ATP9B: variants seen among roughly 807,000 people sequenced by gnomAD.
ATP9B encodes ATPase phospholipid transporting 9B.
A neutral mutation model predicts 146.1 loss-of-function variants in ATP9B; 110 were observed. That is an observed-to-expected ratio of 0.75 (90% confidence interval 0.65 to 0.88). The LOEUF is 0.88. Ranked by LOEUF, ATP9B falls within the 40% of genes least tolerant of loss-of-function variation. ATP9B has a pLI of 0.00. For synonymous variants in ATP9B, 604 were observed against 569.7 expected (o/e 1.06, Z -0.86); for missense variants, 1,499 against 1,496.4 (o/e 1.00, Z -0.03).
chr18:79,250,946 A>T (rs1255295222), intron 11 of ATP9B, among the ~76,000 whole-genome samples: 4 of 152,196 alleles, frequency 2.6e-5, no homozygotes, highest in Non-Finnish European at 4.4e-5. Context: ...ATTAGAGGGC[A>T]GTGTGCTTTC....
At chr18:79,346,327 C>T (rs1600227054) in intron 23 of ATP9B, among the ~76,000 whole-genome samples, 1 of 151,458 alleles carries the variant, frequency 6.6e-6, no homozygotes, top group East Asian at 2.0e-4. Context: ...TAGCACACTA[C>T]ACATGCTCAG....
intron 13 of ATP9B, among the ~76,000 whole-genome samples, chr18:79,300,582 C>T (rs950782648): frequency 3.3e-5 from 5 of 152,176 alleles, no homozygotes; most frequent in African/African-American, 1.2e-4. Context: ...GACACTGAGA[C>T]TTGAGCCCGG....
intron 9 of ATP9B, among the ~76,000 whole-genome samples, chr18:79,196,735 G>T (rs1447425280): frequency 6.6e-6 from 1 of 152,156 alleles, no homozygotes; most frequent in South Asian, 2.1e-4. Flanking sequence ...AAATTAATTG[G>T]ATCAGAAAGC....
chr18:79,373,972 G>A lies in ATP9B; in HGVS notation c.3145G>A (p.Ala1049Thr), dbSNP rs377352041. The A allele has an allele frequency of 1.2e-5, 20 of 1,613,874 alleles. No individual in the cohort carries two copies. The highest frequency in any genetic ancestry group is 1.7e-4 in the Middle Eastern group (1 of 6,000). The change falls in exon 28 of 30, where the codon GCA becomes ACA. Residue 1049 changes from alanine (A) to threonine (T), a missense_variant. By Grantham distance (58) the Ala-to-Thr change is moderately conservative (BLOSUM62 0). Transcript: ENST00000426216. ...CCACGTGGTGGCCATCTCCTTCACC[G>A]CACTGATCCTGACCGAGCTGCTGAT... ...FVHVVAISFT[A>T]LILTELLMVA...
intron 5 of ATP9B, among the ~76,000 whole-genome samples, chr18:79,136,175 T>C (rs2094445639): frequency 1.3e-5 from 2 of 152,274 alleles, no homozygotes; most frequent in South Asian, 4.1e-4. Context: ...ACTAGTGTAT[T>C]ATTTGGCTTA....
intron 6 of ATP9B, among the ~76,000 whole-genome samples, chr18:79,144,563 C>A (rs1293266370): frequency 1.3e-5 from 2 of 152,224 alleles, no homozygotes; most frequent in Non-Finnish European, 2.9e-5. Context: ...GGAGGCGGAG[C>A]TCAGGAGGTC....
chr18:79,190,216 T>A lies in ATP9B; in HGVS notation c.874-2967T>A, dbSNP rs938625058. On this transcript the variant is annotated intron_variant, in intron 8 of 29. Coordinates refer to ENST00000426216, the MANE Select transcript of ATP9B (RefSeq NM_198531.5). ...TTATTTTAACTTTTTGTAATAGATTTGTGTATATTTTATTGTAGTAAGTGA... is the reference window on the plus strand; with the variant it reads ...TTATTTTAACTTTTTGTAATAGATTAGTGTATATTTTATTGTAGTAAGTGA... Among the ~76,000 whole-genome samples, 40 of 152,218 alleles carry A rather than the reference T, an allele frequency of 2.6e-4. 1 individual carries two copies. The highest frequency in any genetic ancestry group is 9.2e-4 in the African/African-American group (38 of 41,444).
intron 26 of ATP9B, 182 bp downstream of exon 26, chr18:79,359,644 T>A: frequency 1.7e-6 from 1 of 585,824 alleles, no homozygotes; most frequent in African/African-American, 1.9e-5. Flanking sequence ...GAGTTAAACT[T>A]CAAAAGGGGA....
Position 79,214,035 on chromosome 18 carries a change from T to G in ATP9B, c.1104T>G (p.Asn368Lys), listed in dbSNP as rs1187112820. The change falls in exon 11 of 30, where the codon AAT (asparagine) becomes AAG (lysine). Residue 368 changes from asparagine (N) to lysine (K), a missense_variant. Coordinates refer to ENST00000426216, the MANE Select transcript of ATP9B (RefSeq NM_198531.5). The stretch of plus-strand genomic sequence containing the variant: ...TAATGAACACATCCAATCCAAAAAA[T>G]AAGGTAGGCTAGATTGAGGAGCAAC... ...RSVMNTSNPK[N>K]KVGLLDLELN... 1 of 1,592,658 alleles carries G rather than the reference T, an allele frequency of 6.3e-7. No homozygotes were observed. The highest frequency in any genetic ancestry group is 1.4e-5 in the African/African-American group (1 of 73,622).
At chr18:79,093,728 A>G (rs759404797) in intron 1 of ATP9B, among the ~76,000 whole-genome samples, 3 of 152,012 alleles carry the variant, frequency 2.0e-5, no homozygotes, top group Non-Finnish European at 2.9e-5. Context: ...GTGTGCACAC[A>G]CCCCCTCCCC....
At chr18:79,098,728 T>C (rs1347316327) in intron 2 of ATP9B, among the ~76,000 whole-genome samples, 1 of 152,216 alleles carries the variant, frequency 6.6e-6, no homozygotes, top group African/African-American at 2.4e-5. Flanking sequence ...TATATTTCAA[T>C]GTTGTCTATC....
intron 29 of ATP9B, among the ~76,000 whole-genome samples, chr18:79,376,787 C>G (rs925035738): frequency 1.3e-5 from 2 of 151,476 alleles, no homozygotes; most frequent in Non-Finnish European, 2.9e-5. Flanking sequence ...CTCCACCTCC[C>G]GGGTTCAAGC....
intron 8 of ATP9B, among the ~76,000 whole-genome samples, chr18:79,186,756 C>G (rs1288746789): frequency 6.6e-6 from 1 of 152,222 alleles, no homozygotes; most frequent in Non-Finnish European, 1.5e-5. Flanking sequence ...AACAGTTGCA[C>G]TGTGGTAAAC....
At chr18:79,353,951 T>C (rs998933884) in intron 25 of ATP9B, 1 of 152,228 alleles carries the variant, frequency 6.6e-6, no homozygotes, top group African/African-American at 2.4e-5. Context: ...AATTTCTGGA[T>C]AGAGTTCTCT....
In ATP9B at chr18:79,215,147, C is replaced by CAAAAAAA. The variant is rs11444921; in HGVS notation, c.1107+1121_1107+1127dup. On this transcript the variant is annotated intron_variant, in intron 11 of 29. Transcript: ENST00000426216. ...TGGGCAACAGGGTGAGATTCTGTCT[C>CAAAAAAA]AAAAAAAAAAAAAAAAAAGATATAT... 2.1e-3 allele frequency among the ~76,000 whole-genome samples: 246 copies of CAAAAAAA among 115,744 alleles called. 2 individuals carry two copies. Among genetic ancestry groups the CAAAAAAA allele is most frequent in the Non-Finnish European group, 3.5e-3 (194 of 55,328 alleles). The allele number at this position is 115,744 out of a possible 152,430, so 75.9% of individuals were successfully genotyped here. A position where few individuals can be genotyped will look rare whatever the true frequency, so the allele number is the denominator to read the frequency against.
intron 7 of ATP9B, among the ~76,000 whole-genome samples, chr18:79,162,886 G>A (rs890615398): frequency 6.6e-6 from 1 of 152,084 alleles, no homozygotes; most frequent in Non-Finnish European, 1.5e-5. Flanking sequence ...GTGCTCCGAC[G>A]GTGTCCTGTC....
chr18:79,280,084 A>G (rs1337021806), intron 13 of ATP9B, among the ~76,000 whole-genome samples: 26 of 152,262 alleles, frequency 1.7e-4, no homozygotes, highest in Admixed American at 1.7e-3. Flanking sequence ...TGTAACATAA[A>G]AAAGTTTATC....
chr18:79,271,536 G>C (rs1401182043), intron 12 of ATP9B, among the ~76,000 whole-genome samples: 6 of 152,092 alleles, frequency 3.9e-5, no homozygotes, highest in Non-Finnish European at 8.8e-5. Context: ...ATGGTTTCCA[G>C]CTTCATCCAT....
intron 10 of ATP9B, among the ~76,000 whole-genome samples, chr18:79,211,966 C>T (rs2095588030): frequency 1.3e-5 from 2 of 152,224 alleles, no homozygotes; most frequent in Admixed American, 1.3e-4. Context: ...TTGTCACATT[C>T]AGTCTCCTGT....
Sources: allele counts gnomAD v4.1 joint callset (sites outside exome capture counted in the v4.1 genomes callset), GRCh38; gene constraint gnomAD v4.1.1; transcripts MANE v1.5; gene names NCBI Gene and HGNC (gene_info 2026-07-23, HGNC 2026-07-21).